NDUFAF6: variants seen among roughly 807,000 people sequenced by gnomAD.
NDUFAF6 encodes NADH dehydrogenase (ubiquinone) complex I, assembly factor 6.
Under a neutral mutation model 40.8 loss-of-function variants are expected in NDUFAF6, and 45 were observed. The ratio of observed to expected loss-of-function variants is 1.10; its 90% CI spans 0.87 to 1.42. The LOEUF (loss-of-function observed/expected upper bound fraction) is 1.42. Ranked by LOEUF, NDUFAF6 falls within the 40% of genes most tolerant of loss-of-function variation. The pLI is 0.00. For synonymous variants in NDUFAF6, 185 were observed against 155.9 expected, an observed-to-expected ratio of 1.19 and a Z score of -1.39; for missense variants, 435 against 418.5, an observed-to-expected ratio of 1.04 and a Z score of -0.34.
At chr8:94,948,069 G>C (rs764491872) in intron 2 of NDUFAF6, among the ~76,000 whole-genome samples, 1 of 152,138 alleles carries the variant, frequency 6.6e-6, no homozygotes, top group Non-Finnish European at 1.5e-5. Context: ...TTGAGAAAAG[G>C]CTTTTTTAGC....
chr8:94,998,132 A>G (rs1239441931), intron 2 of NDUFAF6, among the ~76,000 whole-genome samples: 1 of 152,110 alleles, frequency 6.6e-6, no homozygotes, highest in East Asian at 1.9e-4. Context: ...GAGAAAAACA[A>G]TTTTGCCTTT....
chr8:94,973,854 C>CT (rs1184548552), intron 1 of NDUFAF6, among the ~76,000 whole-genome samples: 2 of 134,074 alleles, frequency 1.5e-5, no homozygotes, highest in East Asian at 2.2e-4. Flanking sequence ...ACCCCTGTCT[C>CT]TAAAAAAAAA....
chr8:94,904,701 T>A (rs1240648946), intron 1 of NDUFAF6, among the ~76,000 whole-genome samples: 1 of 152,062 alleles, frequency 6.6e-6, no homozygotes, highest in Non-Finnish European at 1.5e-5. Flanking sequence ...TTTTTTGCAG[T>A]GTTTCTGTAT....
chr8:95,009,208 A>T (rs28419772), intron 2 of NDUFAF6, among the ~76,000 whole-genome samples: 20,797 of 152,030 alleles, frequency 0.14, 1,452 homozygotes, highest in Middle Eastern at 0.23. Flanking sequence ...TCTAAAAAAA[A>T]AAAAAACGAA....
intron 1 of NDUFAF6, among the ~76,000 whole-genome samples, chr8:94,931,639 A>C (rs1023769206): frequency 2.0e-5 from 3 of 151,852 alleles, no homozygotes; most frequent in African/African-American, 7.3e-5. Flanking sequence ...GAATTTTAAG[A>C]GGCCACAATA....
rs189797634 is a variant in NDUFAF6, at chr8:95,033,725, G to T, written c.297+1631G>T. Among the ~76,000 whole-genome samples the T allele has an allele frequency of 6.1e-3, 931 of 152,298 alleles. 2 individuals are homozygous for T. Among genetic ancestry groups the T allele is most frequent in the Middle Eastern group, 0.014 (4 of 294 alleles). On this transcript the variant is annotated intron_variant, in intron 2 of 8. Coordinates refer to ENST00000396124, the MANE Select transcript of NDUFAF6 (RefSeq NM_152416.4). ...GCATTGGAGCAGAGATCTGAAGGAGGTGAGGGAGTGAGCTGTACAGATATG... is the reference window on the plus strand; with the variant it reads ...GCATTGGAGCAGAGATCTGAAGGAGTTGAGGGAGTGAGCTGTACAGATATG...
chr8:95,010,223 G>A (rs1341772922), intron 2 of NDUFAF6, among the ~76,000 whole-genome samples: 6 of 152,130 alleles, frequency 3.9e-5, no homozygotes, highest in Admixed American at 3.9e-4. Flanking sequence ...CCAGTAGCTG[G>A]GAGTACAGGC....
At chr8:94,994,044 G>A (rs1435016398) in intron 2 of NDUFAF6, among the ~76,000 whole-genome samples, 1 of 152,100 alleles carries the variant, frequency 6.6e-6, no homozygotes, top group Non-Finnish European at 1.5e-5. Context: ...GGAGAGTAAA[G>A]GGTAGGAGGA....
upstream of NDUFAF6, among the ~76,000 whole-genome samples, chr8:95,022,585 C>T (rs200182480): frequency 3.6e-5 from 5 of 139,182 alleles, no homozygotes; most frequent in Admixed American, 7.3e-5. Context: ...ATCTTTACCC[C>T]TCCAAAAAAA....
downstream of NDUFAF6, among the ~76,000 whole-genome samples, chr8:95,117,095 C>G (rs1782957856): frequency 6.6e-6 from 1 of 152,208 alleles, no homozygotes; most frequent in South Asian, 2.1e-4. Flanking sequence ...TATCCAGGAG[C>G]ATGGGATACC....
upstream of NDUFAF6, among the ~76,000 whole-genome samples, chr8:95,097,661 T>C (rs1018785998): frequency 7.2e-5 from 11 of 152,200 alleles, no homozygotes; most frequent in African/African-American, 2.7e-4. Context: ...ATCACGCCAT[T>C]GCACTCTAGC....
rs1554657858 is a variant in NDUFAF6, at chr8:95,005,554, A to ATATATATATATAT, written c.-84+24581_-84+24582insTATATATATATAT. 9.3e-3 allele frequency among the ~76,000 whole-genome samples: 1,072 copies of ATATATATATATAT among 115,274 alleles called. 47 individuals are homozygous for ATATATATATATAT. The highest frequency in any genetic ancestry group is 0.017 in the African/African-American group (461 of 26,750). The allele number at this position is 115,274 out of a possible 152,430, so 75.6% of individuals were successfully genotyped here. A position where few individuals can be genotyped will look rare whatever the true frequency, so the allele number is the denominator to read the frequency against. On this transcript the variant is annotated intron_variant, in intron 2 of 9. Transcript: ENST00000396111. ...ATATATATATATATATATATATATA[A>ATATATATATATAT]AAAATATATTAACATAAATAATATA...
At chr8:95,045,277 T>G (rs1041782513) in intron 4 of NDUFAF6, among the ~76,000 whole-genome samples, 3 of 152,184 alleles carry the variant, frequency 2.0e-5, no homozygotes, top group Non-Finnish European at 4.4e-5. Context: ...TTTTGATAAC[T>G]TGGGCTTCAG....
chr8:95,009,445 A>T (rs907108623), intron 2 of NDUFAF6, among the ~76,000 whole-genome samples: 2 of 152,200 alleles, frequency 1.3e-5, no homozygotes, highest in African/African-American at 4.8e-5. Context: ...TTTTGTGTAG[A>T]CAAATTGGCT....
chr8:95,000,498 A>C (rs1826671183), intron 2 of NDUFAF6, among the ~76,000 whole-genome samples: 1 of 152,230 alleles, frequency 6.6e-6, no homozygotes. Context: ...ATGATTTGCA[A>C]TAATTAAAAA....
At chr8:95,034,258 C>G (rs981047927) in intron 2 of NDUFAF6, 2 of 332,698 alleles carry the variant, frequency 6.0e-6, no homozygotes, top group African/African-American at 2.1e-5. Flanking sequence ...ATATCATGAC[C>G]CTTATCGCTA....
In NDUFAF6 at chr8:94,940,791, C is replaced by T. The variant is rs561698862; in HGVS notation, c.-935-4692C>T. 1.3e-4 allele frequency: 186 copies of T among 1,481,482 alleles called. 1 individual carries two copies. The Middle Eastern group carries it at 1.3e-3, about 10-fold the overall frequency. 91.8% of individuals were successfully genotyped at this position (1,481,482 alleles called of 1,614,324 possible). A position where few individuals can be genotyped will look rare whatever the true frequency, so the allele number is the denominator to read the frequency against. ...ACTGAGATGCAAGTTTCCATTTTTA[C>T]TGTGAAGATGAACCACCAAGTAACC... On this transcript the variant is annotated intron_variant, in intron 1 of 14. Coordinates refer to the NDUFAF6 transcript ENST00000396113.
At chr8:94,957,064 C>A (rs991565828), upstream of NDUFAF6, among the ~76,000 whole-genome samples, 2 of 152,010 alleles carry the variant, frequency 1.3e-5, no homozygotes, top group African/African-American at 4.8e-5. Context: ...CCCAGCTGCA[C>A]GGGAGGCTGA....
At chr8:94,983,231 G>A (rs1259739628) in intron 2 of NDUFAF6, among the ~76,000 whole-genome samples, 2 of 129,754 alleles carry the variant, frequency 1.5e-5, no homozygotes, top group Non-Finnish European at 1.7e-5. Context: ...CATAAAAATT[G>A]TAAATTCAAG....
Sources: gnomAD v4.1 joint callset for allele counts (sites outside exome capture counted in the v4.1 genomes callset) on GRCh38, gnomAD v4.1.1 for gene constraint, MANE v1.5 for transcripts, NCBI Gene and HGNC (gene_info 2026-07-23, HGNC 2026-07-21) for gene names.